The following TRAPPC9 variants were observed in gnomAD, a reference collection of about 807,000 sequenced individuals.
The protein encoded by TRAPPC9 is IKK2 binding protein.
A neutral mutation model predicts 124.0 loss-of-function variants in TRAPPC9; 83 were observed. The ratio of observed to expected loss-of-function variants is 0.67; its 90% CI spans 0.56 to 0.80. TRAPPC9 has a LOEUF of 0.80. Among genes scored for constraint, TRAPPC9 ranks in the 30% least tolerant of loss-of-function variants. The pLI, the probability that TRAPPC9 is intolerant of heterozygous loss-of-function variation, is 0.00. For synonymous variants in TRAPPC9, 638 were observed against 617.5 expected (o/e 1.03, Z -0.49); for missense variants, 1,302 against 1,508.3 (o/e 0.86, Z 2.27).
intron 21 of TRAPPC9, among the ~76,000 whole-genome samples, chr8:139,759,419 G>T (rs991711673): frequency 6.6e-6 from 1 of 152,204 alleles, no homozygotes; most frequent in Non-Finnish European, 1.5e-5. Context: ...GAGAGGCAGA[G>T]GAGGAGGCAC....
chr8:139,799,493 T>C (rs1156300257), intron 21 of TRAPPC9, among the ~76,000 whole-genome samples: 1 of 152,194 alleles, frequency 6.6e-6, no homozygotes, highest in Non-Finnish European at 1.5e-5. Context: ...GGCCAGCCCT[T>C]ACCCTCTCTG....
At chr8:140,141,631 A>G (rs1023625754) in intron 17 of TRAPPC9, among the ~76,000 whole-genome samples, 2 of 152,216 alleles carry the variant, frequency 1.3e-5, no homozygotes, top group African/African-American at 2.4e-5. Flanking sequence ...GTGGTGCTCT[A>G]GTTAACAAAT....
chr8:140,002,987 G>T (rs1450943758), intron 18 of TRAPPC9, among the ~76,000 whole-genome samples: 1 of 148,684 alleles, frequency 6.7e-6, no homozygotes, highest in African/African-American at 2.5e-5. Context: ...ACAACCAAAA[G>T]TAGGATCCAA....
chr8:139,903,427 C>T (rs1387792820), intron 20 of TRAPPC9, among the ~76,000 whole-genome samples: 1 of 152,156 alleles, frequency 6.6e-6, no homozygotes, highest in Non-Finnish European at 1.5e-5. Context: ...TCTTCCTACT[C>T]CAGCTCACAC....
chr8:140,159,842 A>T (rs886123291), intron 17 of TRAPPC9, among the ~76,000 whole-genome samples: 5 of 152,234 alleles, frequency 3.3e-5, no homozygotes, highest in Non-Finnish European at 7.3e-5. Flanking sequence ...CGCATCGACC[A>T]CGTTCCTCTT....
At chr8:139,957,747 G>A (rs776635930) in intron 19 of TRAPPC9, among the ~76,000 whole-genome samples, 56 of 152,154 alleles carry the variant, frequency 3.7e-4, no homozygotes, top group Admixed American at 9.8e-4. Context: ...GCTTGCTCAG[G>A]GGACACAGGA....
intron 18 of TRAPPC9, among the ~76,000 whole-genome samples, chr8:139,998,322 C>A (rs769998071): frequency 1.3e-5 from 2 of 152,126 alleles, no homozygotes; most frequent in Non-Finnish European, 2.9e-5. Context: ...GTCCTTTAAA[C>A]AAAGGGTGAA....
chr8:140,222,680 T>C (rs576454839), intron 16 of TRAPPC9, among the ~76,000 whole-genome samples: 1 of 152,212 alleles, frequency 6.6e-6, no homozygotes, highest in Non-Finnish European at 1.5e-5. Context: ...AATGAGATAT[T>C]TGACTGCAGT....
At chr8:140,222,885 T>C (rs1395479071) in intron 16 of TRAPPC9, among the ~76,000 whole-genome samples, 2 of 152,256 alleles carry the variant, frequency 1.3e-5, no homozygotes, top group East Asian at 3.9e-4. Flanking sequence ...ATCACGTTCA[T>C]ACTGATTTTG....
At chr8:139,765,549 A>G (rs111811113) in intron 21 of TRAPPC9, among the ~76,000 whole-genome samples, 5 of 152,316 alleles carry the variant, frequency 3.3e-5, no homozygotes, top group African/African-American at 9.6e-5. Flanking sequence ...CAGTTTAGAA[A>G]TAGGCAAGGA....
At chr8:140,402,787 T>G (rs1173915306) in intron 6 of TRAPPC9, among the ~76,000 whole-genome samples, 9 of 151,786 alleles carry the variant, frequency 5.9e-5, no homozygotes, top group Non-Finnish European at 1.0e-4. Context: ...AAAGAAAGAT[T>G]CATAGAAAGG....
At chr8:139,843,348 G>A (rs989223304) in intron 21 of TRAPPC9, among the ~76,000 whole-genome samples, 1 of 152,216 alleles carries the variant, frequency 6.6e-6, no homozygotes, top group Admixed American at 6.5e-5. Flanking sequence ...TGCTCTCTGG[G>A]ACTTCCAGGT....
chr8:140,307,771 G>A (rs1051946748), intron 10 of TRAPPC9, among the ~76,000 whole-genome samples: 2 of 152,172 alleles, frequency 1.3e-5, no homozygotes, highest in Non-Finnish European at 1.5e-5. Flanking sequence ...TCCCTATTAA[G>A]CAAAAGATAG....
At position 140,006,965 on chromosome 8, in the gene TRAPPC9, G is replaced by A. The variant is rs75442339; in HGVS notation, c.2699+16972C>T. ...GTTGAATTATACAGTTTAAGTGGGC[G>A]ACTTATGTGACATGTAAATTATATT... On this transcript the variant is annotated intron_variant, in intron 18 of 22. Transcript: ENST00000438773. Among the ~76,000 whole-genome samples the A allele has an allele frequency of 2.6e-4, 40 of 152,250 alleles. No homozygotes were observed. The East Asian group carries it at 6.6e-3, about 25-fold the overall frequency.
intron 9 of TRAPPC9, among the ~76,000 whole-genome samples, chr8:140,326,564 C>T (rs1398751439): frequency 6.6e-6 from 1 of 152,156 alleles, no homozygotes; most frequent in Non-Finnish European, 1.5e-5. Flanking sequence ...AGACAAACAT[C>T]ATCAATGATG....
At position 140,227,433 on chromosome 8, in the gene TRAPPC9, C is replaced by CA. The variant is rs148779338; in HGVS notation, c.2432-5851dup. ...AAAGAGTTTAGTGGATTTATCAGGACAGAGGGTATTTAAGAATGGTATGAG... is the reference window on the plus strand; with the variant it reads ...AAAGAGTTTAGTGGATTTATCAGGACAAGAGGGTATTTAAGAATGGTATGAG... On this transcript the variant is annotated intron_variant, in intron 16 of 22. Transcript: ENST00000438773. Among the ~76,000 whole-genome samples the CA allele has an allele frequency of 2.6e-3, 403 of 152,206 alleles. 8 individuals are homozygous for CA. Among genetic ancestry groups the CA allele is most frequent in the East Asian group, 0.02 (105 of 5,184 alleles).
At chr8:139,902,766 C>G (rs1018766424) in intron 20 of TRAPPC9, among the ~76,000 whole-genome samples, 1 of 152,194 alleles carries the variant, frequency 6.6e-6, no homozygotes, top group African/African-American at 2.4e-5. Context: ...TGGGCCCACA[C>G]AGCCCACGTC....
chr8:140,055,675 C>T (rs112125009), intron 17 of TRAPPC9, among the ~76,000 whole-genome samples: 264 of 152,270 alleles, frequency 1.7e-3, no homozygotes, highest in Non-Finnish European at 1.8e-3. Flanking sequence ...CAGGATGCAA[C>T]ATACAAACAT....
chr8:140,093,807 C>T (rs1844737820), intron 17 of TRAPPC9, among the ~76,000 whole-genome samples: 1 of 152,170 alleles, frequency 6.6e-6, no homozygotes, highest in Admixed American at 6.5e-5. Context: ...CTTGAGGTCA[C>T]CTGACAATGA....
Sources: gnomAD v4.1 joint callset for allele counts (sites outside exome capture counted in the v4.1 genomes callset) on GRCh38, gnomAD v4.1.1 for gene constraint, MANE v1.5 for transcripts, NCBI Gene and HGNC (gene_info 2026-07-23, HGNC 2026-07-21) for gene names.